Variants in EDEM1 observed in about 807,000 individuals in gnomAD.
EDEM1 encodes ER degradation-enhancing alpha-mannosidase-like protein 1.
In EDEM1, 67 loss-of-function variants were observed where a neutral mutation model predicts 74.4. The ratio of observed to expected loss-of-function variants is 0.90; its 90% CI spans 0.74 to 1.10. The LOEUF (loss-of-function observed/expected upper bound fraction) is 1.10. Among genes scored for constraint, EDEM1 ranks in the 50% least tolerant of loss-of-function variants. The probability of loss-of-function intolerance (pLI) is 0.00; values close to 1 mark genes in which losing one functional copy is unlikely to be tolerated. For synonymous variants in EDEM1, 382 were observed against 335.9 expected (o/e 1.14, Z -1.50); for missense variants, 926 against 851.6 (o/e 1.09, Z -1.09).
intron 10 of EDEM1, among the ~76,000 whole-genome samples, chr3:5,212,098 C>A (rs2055175333): frequency 2.6e-5 from 4 of 152,136 alleles, no homozygotes; most frequent in Non-Finnish European, 4.4e-5. Flanking sequence ...CACCCTGGGG[C>A]CCTTGCTAAG....
intron 11 of EDEM1, among the ~76,000 whole-genome samples, chr3:5,214,779 C>T (rs1386351764): frequency 6.6e-6 from 1 of 152,170 alleles, no homozygotes; most frequent in African/African-American, 2.4e-5. Flanking sequence ...CATCTCTGAC[C>T]TGCCATACTC....
chr3:5,195,095 A>T (rs2054948349), intron 1 of EDEM1, 114 bp from the exon 2 acceptor site: 1 of 514,014 alleles, frequency 1.9e-6, no homozygotes, highest in Non-Finnish European at 3.3e-6. Flanking sequence ...ACCCATAATT[A>T]GTTCCTGAAT....
At chr3:5,203,726 GTTATT>G (rs2055061027) in intron 5 of EDEM1, among the ~76,000 whole-genome samples, 1 of 152,148 alleles carries the variant, frequency 6.6e-6, no homozygotes, top group African/African-American at 2.4e-5. Flanking sequence ...AACTCAAGGT[GTTATT>G]TTATTTATTT....
intron 10 of EDEM1, 62 bp from the exon 11 acceptor site, chr3:5,213,257 C>T: frequency 1.3e-6 from 2 of 1,509,000 alleles, no homozygotes; most frequent in Admixed American, 3.8e-5. Context: ...GGACACGCCC[C>T]CATGATTCAG....
intron 10 of EDEM1, among the ~76,000 whole-genome samples, chr3:5,212,028 T>C (rs934226901): frequency 6.6e-5 from 10 of 152,214 alleles, no homozygotes; most frequent in African/African-American, 2.4e-4. Context: ...GAAGCAGCTG[T>C]GATAAATTGT....
intron 7 of EDEM1, 27 bp downstream of exon 7, chr3:5,207,300 A>C: frequency 1.2e-5 from 20 of 1,612,462 alleles, no homozygotes; most frequent in Non-Finnish European, 1.7e-5. Context: ...TTTCCTAAGA[A>C]TAACCAATCA....
intron 6 of EDEM1, 62 bp downstream of exon 6, chr3:5,205,303 T>C: frequency 6.6e-7 from 1 of 1,512,348 alleles, no homozygotes; most frequent in Non-Finnish European, 8.9e-7. Context: ...TTCTGAAGCG[T>C]TTGTATTTTT....
chr3:5,190,759 G>A (rs751842961), intron 1 of EDEM1, among the ~76,000 whole-genome samples: 14 of 152,258 alleles, frequency 9.2e-5, no homozygotes, highest in Non-Finnish European at 1.2e-4. Flanking sequence ...CTTTGAGGAG[G>A]CCAAAGAAGC....
chr3:5,196,112 A>T (rs1412198224), intron 2 of EDEM1, among the ~76,000 whole-genome samples: 3 of 152,190 alleles, frequency 2.0e-5, no homozygotes, highest in African/African-American at 7.2e-5. Context: ...ACTTTTATTT[A>T]TTCTTGTTTC....
intron 1 of EDEM1, among the ~76,000 whole-genome samples, chr3:5,188,958 C>G (rs1346938462): frequency 6.6e-6 from 1 of 152,162 alleles, no homozygotes; most frequent in Admixed American, 6.5e-5. Flanking sequence ...GTGAAATTCA[C>G]TGGATGCCAG....
At chr3:5,196,930 C>CT (rs1488633815) in intron 2 of EDEM1, among the ~76,000 whole-genome samples, 1,674 of 148,668 alleles carry the variant, frequency 0.011, 32 homozygotes, top group African/African-American at 0.04. Context: ...CTTTTCTTTT[C>CT]TTTTCTTTTT....
In EDEM1 at chr3:5,217,268, C is replaced by T. The variant is rs2055250787; in HGVS notation, c.*1350C>T. On this transcript the variant is annotated 3_prime_UTR_variant, in exon 12 of 12. Transcript: ENST00000256497. ...ATCTCTCTTTGAACTCACACTGATA[C>T]ACACCTGCTACTCTTACACAGTGCA... 1 of 152,632 alleles carries T rather than the reference C, an allele frequency of 6.6e-6. No homozygotes were observed. Among genetic ancestry groups the T allele is most frequent in the African/African-American group, 2.4e-5 (1 of 41,454 alleles). The allele number at this position is 152,632 out of a possible 1,614,324, so 9.5% of individuals were successfully genotyped here. A position where few individuals can be genotyped will look rare whatever the true frequency, so the allele number is the denominator to read the frequency against.
Position 5,187,974 on chromosome 3 carries a change from T to C in EDEM1, c.169T>C (p.Ser57Pro), listed in dbSNP as rs961373990. Residue 57 changes from serine to proline, a missense_variant, in exon 1 of 12, where the codon TCG becomes CCG. Physicochemically the swap from Ser to Pro is moderately conservative, Grantham distance 74 (BLOSUM62 -1). Transcript: ENST00000256497. Reference protein sequence around the residue: ...RSPDGPASPTSGPVGRPGGVS... With the variant: ...RSPDGPASPTPGPVGRPGGVS... ...CCCCGACGGCCCCGCGTCGCCCACC[T>C]CGGGGCCCGTGGGCCGGCCTGGGGG... The C allele has an allele frequency of 3.2e-6, 5 of 1,546,968 alleles. No individual in the cohort carries two copies. In the Admixed American group the frequency reaches 9.8e-5, roughly 30 times the overall value.
chr3:5,212,497 G>A (rs1256981513), intron 10 of EDEM1, among the ~76,000 whole-genome samples: 1 of 152,222 alleles, frequency 6.6e-6, no homozygotes, highest in African/African-American at 2.4e-5. Flanking sequence ...ACCCTGGAGG[G>A]TGTGCTAGCT....
chr3:5,203,519 A>C (rs1559297235), intron 5 of EDEM1, among the ~76,000 whole-genome samples: 1 of 152,310 alleles, frequency 6.6e-6, no homozygotes, highest in East Asian at 1.9e-4. Context: ...CCTTTTAAAA[A>C]ATCTGGGCCT....
intron 11 of EDEM1, among the ~76,000 whole-genome samples, chr3:5,214,821 C>A (rs1325442562): frequency 6.6e-6 from 1 of 152,178 alleles, no homozygotes; most frequent in African/African-American, 2.4e-5. Context: ...ATTCCAGGCA[C>A]CAGGGATTCA....
At position 5,201,855 on chromosome 3, in the gene EDEM1, G is replaced by A; in HGVS notation, c.789G>A (p.Met263Ile). 2 of 1,614,162 alleles carry A rather than the reference G, an allele frequency of 1.2e-6. No homozygotes were observed. Among genetic ancestry groups the A allele is most frequent in the Non-Finnish European group, 1.7e-6 (2 of 1,180,036 alleles). ...IKDYDNELLY[M>I]AHDLAVRLLP... is the part of the protein sequence containing the mutation. The stretch of plus-strand genomic sequence containing the variant: ...ACTATGATAATGAGTTGTTATACAT[G>A]GCCCATGACCTGGCGGTGCGGCTCC... Residue 263 changes from methionine (M) to isoleucine (I), a missense_variant, in exon 4 of 12, where the codon ATG becomes ATA. Coordinates refer to ENST00000256497, the MANE Select transcript of EDEM1 (RefSeq NM_014674.3).
chr3:5,194,694 A>G (rs947794798), intron 1 of EDEM1, among the ~76,000 whole-genome samples: 2 of 152,256 alleles, frequency 1.3e-5, no homozygotes, highest in African/African-American at 4.8e-5. Flanking sequence ...GAAATGGTGT[A>G]AAGAAGTTAA....
intron 2 of EDEM1, among the ~76,000 whole-genome samples, chr3:5,195,804 G>A (rs2054959442): frequency 6.6e-6 from 1 of 152,232 alleles, no homozygotes; most frequent in Non-Finnish European, 1.5e-5. Flanking sequence ...GTGGGTGCTG[G>A]CATTACTGCC....
Sources: allele counts gnomAD v4.1 joint callset (sites outside exome capture counted in the v4.1 genomes callset), GRCh38; gene constraint gnomAD v4.1.1; transcripts MANE v1.5; gene names NCBI Gene and HGNC (gene_info 2026-07-23, HGNC 2026-07-21).